CNTNAP2: variants seen among roughly 807,000 people sequenced by gnomAD.
The protein encoded by CNTNAP2 is contactin associated protein 2.
A neutral mutation model predicts 155.2 loss-of-function variants in CNTNAP2; 98 were observed. That is an observed-to-expected ratio of 0.63 (90% confidence interval 0.54 to 0.75). The LOEUF (loss-of-function observed/expected upper bound fraction) is 0.75, where lower values mean the gene tolerates loss of function less well. Among genes scored for constraint, CNTNAP2 ranks in the 30% least tolerant of loss-of-function variants. The probability of loss-of-function intolerance (pLI) is 0.00; values close to 1 mark genes in which losing one functional copy is unlikely to be tolerated. For synonymous variants in CNTNAP2, 651 were observed against 631.2 expected (o/e 1.03, Z -0.47); for missense variants, 1,727 against 1,688.1 (o/e 1.02, Z -0.40).
chr7:146,171,546 G>A (rs1013534905), intron 1 of CNTNAP2, among the ~76,000 whole-genome samples: 1 of 152,080 alleles, frequency 6.6e-6, no homozygotes, highest in African/African-American at 2.4e-5. Context: ...ATCAACTCAA[G>A]TAATATTTTC....
At chr7:146,790,699 A>T (rs925385237) in intron 2 of CNTNAP2, among the ~76,000 whole-genome samples, 1 of 151,754 alleles carries the variant, frequency 6.6e-6, no homozygotes, top group African/African-American at 2.4e-5. Context: ...CCTCCGGAGT[A>T]GCTGGGACTA....
At chr7:148,035,942 G>T (rs1303916179) in intron 15 of CNTNAP2, among the ~76,000 whole-genome samples, 1 of 152,188 alleles carries the variant, frequency 6.6e-6, no homozygotes, top group African/African-American at 2.4e-5. Flanking sequence ...AAGATTTAGT[G>T]TTCACCCTGT....
chr7:146,153,600 C>T (rs1161854663), intron 1 of CNTNAP2, among the ~76,000 whole-genome samples: 1 of 152,102 alleles, frequency 6.6e-6, no homozygotes, highest in Non-Finnish European at 1.5e-5. Context: ...TTTCTGTAGC[C>T]TCTGATTTGC....
At chr7:146,804,631 C>A (rs902208060) in intron 2 of CNTNAP2, among the ~76,000 whole-genome samples, 1 of 152,136 alleles carries the variant, frequency 6.6e-6, no homozygotes, top group East Asian at 1.9e-4. Flanking sequence ...ATATACATGG[C>A]AGATATCACT....
intron 1 of CNTNAP2, among the ~76,000 whole-genome samples, chr7:146,663,299 G>GAAAAAAAAAAAAAAGAAAAAAA (rs1475847666): frequency 9.9e-6 from 1 of 100,998 alleles, no homozygotes; most frequent in African/African-American, 4.4e-5. Flanking sequence ...AAAAAAAAAA[G>GAAAAAAAAAAAAAAGAAAAAAA]AAAGAAAGAA....
intron 1 of CNTNAP2, among the ~76,000 whole-genome samples, chr7:146,259,687 C>A (rs113980132): frequency 0.041 from 6,305 of 152,206 alleles, 399 homozygotes; most frequent in African/African-American, 0.14. Context: ...AGTCTGAAAG[C>A]ATTCAGTCAT....
chr7:147,207,930 T>A (rs1276143780), intron 8 of CNTNAP2, among the ~76,000 whole-genome samples: 1 of 152,136 alleles, frequency 6.6e-6, no homozygotes, highest in Non-Finnish European at 1.5e-5. Context: ...GTGCTTTGAG[T>A]CTGTACTTCA....
chr7:147,176,140 G>A (rs924557653), intron 8 of CNTNAP2, among the ~76,000 whole-genome samples: 1 of 152,110 alleles, frequency 6.6e-6, no homozygotes, highest in Non-Finnish European at 1.5e-5. Flanking sequence ...GTAATGATTC[G>A]GTTTAATGAG....
chr7:147,316,666 A>G (rs749030938), intron 9 of CNTNAP2, among the ~76,000 whole-genome samples: 3 of 152,212 alleles, frequency 2.0e-5, no homozygotes, highest in Non-Finnish European at 4.4e-5. Context: ...GAAAGAATAT[A>G]AATAATGGTA....
In CNTNAP2 at chr7:147,101,118, G is replaced by A. The variant is rs113034302; in HGVS notation, c.551-7029G>A. Among the ~76,000 whole-genome samples, 378 of 152,222 alleles carry A rather than the reference G, an allele frequency of 2.5e-3. 1 individual carries two copies. The highest frequency in any genetic ancestry group is 4.1e-3 in the Non-Finnish European group (280 of 68,014). ...GTGAAGTTTGCGAGGAATTCAATCC[G>A]TTTACCATCAGGAGCACATAAAAAG... On this transcript the variant is annotated intron_variant, in intron 4 of 23. Coordinates refer to ENST00000361727, the MANE Select transcript of CNTNAP2 (RefSeq NM_014141.6).
At chr7:148,339,974 A>AGTGTGTGTGTGTGTGTGTGT (rs10603520) in intron 21 of CNTNAP2, among the ~76,000 whole-genome samples, 81 of 144,874 alleles carry the variant, frequency 5.6e-4, no homozygotes, top group African/African-American at 1.9e-3. Context: ...TCCTTCGTGC[A>AGTGTGTGTGTGTGTGTGTGT]GTGTGTGTGT....
At chr7:147,371,903 T>C (rs1796355060) in intron 9 of CNTNAP2, among the ~76,000 whole-genome samples, 1 of 152,038 alleles carries the variant, frequency 6.6e-6, no homozygotes, top group Admixed American at 6.6e-5. Context: ...AAATGGACAA[T>C]GGTATGTTGT....
chr7:148,415,987 G>C lies in CNTNAP2; in HGVS notation c.*371G>C, dbSNP rs1799979284. 2 of 248,478 alleles carry C rather than the reference G, an allele frequency of 8.0e-6. No homozygotes were observed. The highest frequency in any genetic ancestry group is 1.7e-4 in the South Asian group (2 of 11,840). 15.4% of individuals were successfully genotyped at this position (248,478 alleles called of 1,614,324 possible). ...ACGTTTTTAAGAGCCCTTAGAACGT[G>C]GGTATTTTTTTTCTTGAGAAAAGCT... On this transcript the variant is annotated 3_prime_UTR_variant, in exon 24 of 24. Coordinates refer to ENST00000361727, the MANE Select transcript of CNTNAP2 (RefSeq NM_014141.6).
chr7:147,267,918 G>A lies in CNTNAP2; in HGVS notation c.1349-32223G>A, dbSNP rs192508109. On this transcript the variant is annotated intron_variant, in intron 8 of 23. Transcript: ENST00000361727. ...GTACAAGGTACCCAAGGGAAGTCTG[G>A]AGTAGTCCCTGTGACATTTCTGGTC... Among the ~76,000 whole-genome samples, 104 of 152,210 alleles carry A rather than the reference G, an allele frequency of 6.8e-4. 1 individual carries two copies. The highest frequency in any genetic ancestry group is 1.2e-3 in the Admixed American group (19 of 15,298).
At chr7:147,033,172 A>ATATATATATG (rs1554427662) in intron 3 of CNTNAP2, among the ~76,000 whole-genome samples, 20 of 46,600 alleles carry the variant, frequency 4.3e-4, no homozygotes, top group African/African-American at 1.6e-3. Flanking sequence ...ATATATATAT[A>ATATATATATG]TATATATATA....
At chr7:146,940,731 A>G (rs553086625) in intron 3 of CNTNAP2, among the ~76,000 whole-genome samples, 1 of 151,968 alleles carries the variant, frequency 6.6e-6, no homozygotes, top group East Asian at 1.9e-4. Context: ...TGGTGTGTAT[A>G]TATATACACA....
intron 1 of CNTNAP2, among the ~76,000 whole-genome samples, chr7:146,340,286 GTT>G (rs548459768): frequency 2.6e-4 from 24 of 93,792 alleles, no homozygotes; most frequent in Non-Finnish European, 3.7e-4. Context: ...TGTTGTTGTT[GTT>G]TTTTTTTTTT....
Position 147,097,265 on chromosome 7 carries a change from C to T in CNTNAP2, c.551-10882C>T, listed in dbSNP as rs945780847. Among the ~76,000 whole-genome samples the T allele has an allele frequency of 7.2e-5, 11 of 152,276 alleles. 1 individual carries two copies. Among genetic ancestry groups the T allele is most frequent in the Admixed American group, 1.3e-4 (2 of 15,292 alleles). On this transcript the variant is annotated intron_variant, in intron 4 of 23. Transcript: ENST00000361727. The stretch of plus-strand genomic sequence containing the variant: ...GTTGATGGATGTATAGCGTTCAGAA[C>T]ATTAATGATTTTACAAGTTTAAAGT...
chr7:147,904,772 A>G (rs1010151640), intron 14 of CNTNAP2, among the ~76,000 whole-genome samples: 1 of 152,206 alleles, frequency 6.6e-6, no homozygotes. Flanking sequence ...ATCTATTTCA[A>G]TGGCTTAGAA....
Sources: allele counts gnomAD v4.1 joint callset (sites outside exome capture counted in the v4.1 genomes callset), GRCh38; gene constraint gnomAD v4.1.1; transcripts MANE v1.5; gene names NCBI Gene and HGNC (gene_info 2026-07-23, HGNC 2026-07-21).